EPHA7: variants seen among roughly 807,000 people sequenced by gnomAD.
The protein encoded by EPHA7 is ephrin type-A receptor 7.
In EPHA7, 25 loss-of-function variants were observed where a neutral mutation model predicts 112.6. The ratio of observed to expected loss-of-function variants is 0.22; its 90% CI spans 0.16 to 0.31. EPHA7 has a LOEUF of 0.31. Among genes scored for constraint, EPHA7 ranks in the 10% least tolerant of loss-of-function variants. EPHA7 has a pLI of 1.00. For missense variants in EPHA7, 962 were observed against 1,212.6 expected (o/e 0.79, Z 3.07); for synonymous variants, 437 against 406.5 (o/e 1.07, Z -0.90).
At chr6:93,319,355 T>C (rs1382583206) in intron 5 of EPHA7, among the ~76,000 whole-genome samples, 1 of 151,964 alleles carries the variant, frequency 6.6e-6, no homozygotes, top group Non-Finnish European at 1.5e-5. Flanking sequence ...CAGGAGAAGA[T>C]AATTTTAAGG....
intron 5 of EPHA7, among the ~76,000 whole-genome samples, chr6:93,316,448 G>T (rs1163999898): frequency 6.6e-6 from 1 of 152,020 alleles, no homozygotes; most frequent in Non-Finnish European, 1.5e-5. Context: ...TGTTTTCAGA[G>T]ACTTTGAAAG....
intron 5 of EPHA7, among the ~76,000 whole-genome samples, chr6:93,322,266 G>T (rs2127886094): frequency 6.6e-6 from 1 of 151,774 alleles, no homozygotes; most frequent in South Asian, 2.1e-4. Flanking sequence ...TGAGATAAAA[G>T]AAGTAAAGTT....
Position 93,243,167 on chromosome 6 carries a change from T to C in EPHA7, c.*259A>G, listed in dbSNP as rs1480465080. The C allele has an allele frequency of 3.0e-6, 1 of 331,474 alleles. No homozygotes were observed. The highest frequency in any genetic ancestry group is 2.1e-5 in the African/African-American group (1 of 47,742). The allele number at this position is 331,474 out of a possible 1,614,324, so 20.5% of individuals were successfully genotyped here. ...AAAAAGGAGGTTAGAGAGCTCAAGG[T>C]GTTTGGATGTTTTTCAGGTAGTACT... On this transcript the variant is annotated 3_prime_UTR_variant, in exon 17 of 17. Coordinates refer to ENST00000369303, the MANE Select transcript of EPHA7 (RefSeq NM_004440.4).
intron 3 of EPHA7, among the ~76,000 whole-genome samples, chr6:93,409,268 A>T (rs1423024217): frequency 6.6e-6 from 1 of 152,120 alleles, no homozygotes; most frequent in African/African-American, 2.4e-5. Context: ...CTTTGTGATT[A>T]AAACTAGGGC....
chr6:93,407,686 C>A (rs1778787570), intron 3 of EPHA7, among the ~76,000 whole-genome samples: 1 of 152,004 alleles, frequency 6.6e-6, no homozygotes, highest in African/African-American at 2.4e-5. Flanking sequence ...TACCTAATTT[C>A]AAGTATTCAA....
intron 11 of EPHA7, among the ~76,000 whole-genome samples, 166 bp from the exon 12 acceptor site, chr6:93,257,689 T>G (rs1045945901): frequency 5.3e-5 from 8 of 152,098 alleles, no homozygotes; most frequent in African/African-American, 1.9e-4. Flanking sequence ...ATTATATGTC[T>G]GCTTGGAAGA....
chr6:93,299,162 T>TA (rs1562079541), intron 5 of EPHA7, among the ~76,000 whole-genome samples: 1 of 151,484 alleles, frequency 6.6e-6, no homozygotes, highest in Non-Finnish European at 1.5e-5. Flanking sequence ...TCATCTCTAC[T>TA]AAAAATACAA....
At chr6:93,314,176 A>G (rs1327403822) in intron 5 of EPHA7, among the ~76,000 whole-genome samples, 2 of 152,094 alleles carry the variant, frequency 1.3e-5, no homozygotes, top group Non-Finnish European at 2.9e-5. Flanking sequence ...CTGTCTCAAA[A>G]TTACATTAGA....
intron 3 of EPHA7, among the ~76,000 whole-genome samples, chr6:93,387,519 A>G (rs1777671030): frequency 6.6e-6 from 1 of 152,058 alleles, no homozygotes; most frequent in Non-Finnish European, 1.5e-5. Context: ...GGGTATCTTT[A>G]TAGCAGCACC....
At chr6:93,391,766 A>G (rs755582258) in intron 3 of EPHA7, among the ~76,000 whole-genome samples, 17 of 151,946 alleles carry the variant, frequency 1.1e-4, no homozygotes, top group Non-Finnish European at 1.8e-4. Flanking sequence ...TTACCTAGCT[A>G]AAAGACACAG....
intron 5 of EPHA7, among the ~76,000 whole-genome samples, chr6:93,297,072 T>C (rs1188781154): frequency 1.3e-5 from 2 of 151,948 alleles, no homozygotes; most frequent in Non-Finnish European, 1.5e-5. Context: ...CTTAAATATA[T>C]AAAATATAAT....
At chr6:93,417,192 A>G (rs1170274474) in intron 1 of EPHA7, among the ~76,000 whole-genome samples, 1 of 152,152 alleles carries the variant, frequency 6.6e-6, no homozygotes, top group Non-Finnish European at 1.5e-5. Flanking sequence ...AACGTGCACA[A>G]GGAAAGTGAG....
In EPHA7 at chr6:93,269,579, A is replaced by G; in HGVS notation, c.1531T>C (p.Tyr511His). 1 of 1,608,152 alleles carries G rather than the reference A, an allele frequency of 6.2e-7. No homozygotes were observed. Among genetic ancestry groups the G allele is most frequent in the Non-Finnish European group, 8.5e-7 (1 of 1,176,918 alleles). Residue 511 changes from tyrosine (Y) to histidine (H), a missense_variant, in exon 7 of 17, where the codon TAT (tyrosine) becomes CAT (histidine). Physicochemically the swap from Tyr to His is moderately conservative, Grantham distance 83 (BLOSUM62 2). Around this residue, in one of 3 missense-constraint regions of EPHA7, gnomAD observed 746 missense variants for 889.2 expected, o/e 0.84. Transcript: ENST00000369303. ...GTAAAAGCCCGAATCTGGAAAACAT[A>G]CACTGTTCCTGGTTTCAGATTATTA... ...SINNLKPGTV[Y>H]VFQIRAFTAA...
chr6:93,405,807 GTGTGTGTATATATATA>G (rs1356431110), intron 3 of EPHA7, among the ~76,000 whole-genome samples: 2,407 of 70,330 alleles, frequency 0.034, 72 homozygotes, highest in African/African-American at 0.12. Flanking sequence ...GTGTGTGTGT[GTGTGTGTATATATATA>G]TATATATATA....
chr6:93,388,932 G>C (rs1180244101), intron 3 of EPHA7, among the ~76,000 whole-genome samples: 1 of 151,964 alleles, frequency 6.6e-6, no homozygotes, highest in Non-Finnish European at 1.5e-5. Context: ...AATGACGCTG[G>C]AGAGTGAGTA....
At chr6:93,304,899 C>T (rs1773173629) in intron 5 of EPHA7, among the ~76,000 whole-genome samples, 2 of 151,968 alleles carry the variant, frequency 1.3e-5, no homozygotes, top group Admixed American at 6.6e-5. Context: ...GGTTTGCTTC[C>T]TTTCCTCTTC....
chr6:93,256,111 C>T, intron 12 of EPHA7, 74 bp from the exon 13 acceptor site: 1 of 1,345,224 alleles, frequency 7.4e-7, no homozygotes, highest in Admixed American at 1.8e-5. Context: ...TGAAAAATAT[C>T]TGCGTGCTAG....
At chr6:93,358,527 C>A (rs1776075012) in intron 3 of EPHA7, 116 bp from the exon 4 acceptor site, 1 of 811,984 alleles carries the variant, frequency 1.2e-6, no homozygotes, top group East Asian at 2.9e-5. Flanking sequence ...AAAACAAGCT[C>A]TTGATGATAA....
chr6:93,409,477 T>C (rs555266844), intron 3 of EPHA7, among the ~76,000 whole-genome samples: 3 of 152,196 alleles, frequency 2.0e-5, no homozygotes, highest in South Asian at 4.1e-4. Context: ...TGTCTGCACA[T>C]ACTAAGTTAT....
Sources: gnomAD v4.1 joint callset for allele counts (sites outside exome capture counted in the v4.1 genomes callset) on GRCh38, gnomAD v4.1.1 for gene constraint, gnomAD v4.1.1 regional missense constraint, MANE v1.5 for transcripts, NCBI Gene and HGNC (gene_info 2026-07-23, HGNC 2026-07-21) for gene names.